The following BRD3 variants were observed in gnomAD, a reference collection of about 807,000 sequenced individuals.
The protein encoded by BRD3 is bromodomain containing 3.
BRD3 carries 17 observed loss-of-function variants against 66.8 expected under a neutral mutation model. The ratio of observed to expected loss-of-function variants is 0.25; its 90% CI spans 0.17 to 0.38. The LOEUF (loss-of-function observed/expected upper bound fraction) is 0.38. Among genes scored for constraint, BRD3 ranks in the 10% least tolerant of loss-of-function variants. BRD3 has a pLI of 1.00. For synonymous variants in BRD3, 421 were observed against 393.2 expected, an observed-to-expected ratio of 1.07 and a Z score of -0.84; for missense variants, 713 against 956.1, an observed-to-expected ratio of 0.75 and a Z score of 3.35.
At chr9:134,046,565 C>G (rs1830171879) in intron 6 of BRD3, among the ~76,000 whole-genome samples, 1 of 152,180 alleles carries the variant, frequency 6.6e-6, no homozygotes, top group Non-Finnish European at 1.5e-5. Flanking sequence ...CCCGGGGGCA[C>G]AGTGGGACCT....
chr9:134,035,837 G>C (rs1829896356), intron 10 of BRD3, among the ~76,000 whole-genome samples, 195 bp downstream of exon 10: 1 of 152,240 alleles, frequency 6.6e-6, no homozygotes, highest in African/African-American at 2.4e-5. Context: ...GCTCAGGCCT[G>C]GGTTCAGCCC....
rs539084993 is a variant in BRD3 at position 134,035,966 on chromosome 9, G to A, written c.1936+66C>T. On this transcript the variant is annotated intron_variant, in intron 10 of 11. Coordinates refer to ENST00000303407, the MANE Select transcript of BRD3 (RefSeq NM_007371.4). ...TCGCCGCACAGGGTCCGTGAGGAGT[G>A]ACAGGAGGGGCAGGCCAAGGAGGGG... 33 of 1,539,274 alleles carry A rather than the reference G, an allele frequency of 2.1e-5. No individual in the cohort carries two copies. In the East Asian group the frequency reaches 5.9e-4, roughly 27 times the overall value.
In BRD3 at chr9:134,051,878, T is replaced by TGTGTGTGTGTGTGTG. The variant is rs372701647; in HGVS notation, c.352-170_352-169insCACACACACACACAC. 2.6e-4 allele frequency among the ~76,000 whole-genome samples: 30 copies of TGTGTGTGTGTGTGTG among 116,288 alleles called. 1 individual carries two copies. Among genetic ancestry groups the TGTGTGTGTGTGTGTG allele is most frequent in the African/African-American group, 1.0e-3 (28 of 26,846 alleles). 76.3% of individuals were successfully genotyped at this position (116,288 alleles called of 152,430 possible). ...GTGTGTGTGTGTGTGTGTGTGTGTG[T>TGTGTGTGTGTGTGTG]TGTTTTTTTTGTTTTTTTTTTTTTT... On this transcript the variant is annotated intron_variant, in intron 3 of 11. Coordinates refer to ENST00000303407, the MANE Select transcript of BRD3 (RefSeq NM_007371.4).
intron 8 of BRD3, among the ~76,000 whole-genome samples, chr9:134,041,411 T>C (rs539853924): frequency 2.6e-5 from 4 of 152,260 alleles, no homozygotes; most frequent in Admixed American, 2.6e-4. Context: ...AAGTGACTGC[T>C]TGGAGCCCAG....
intron 2 of BRD3, 55 bp downstream of exon 2, chr9:134,053,210 G>A: frequency 6.3e-7 from 1 of 1,582,776 alleles, no homozygotes; most frequent in Non-Finnish European, 8.7e-7. Context: ...AGCAGGAGGG[G>A]GACAGAGGAC....
rs149753836 is a variant in BRD3, at chr9:134,045,377, A to G, written c.1131T>C (p.Ala377=). Residue 377 remains alanine (A), a synonymous_variant, in exon 7 of 12, where the codon GCT becomes GCC. Transcript: ENST00000303407. The surrounding 1 kb of genome is among the most constrained non-coding windows in gnomAD (Gnocchi z 4.8). ...GREYPDAQGF[A]ADVRLMFSNC... ...TCGAGAACATCAGCCGGACATCAGCAGCAAAGCCCTGTGCGTCTGGGTACT... is the reference window on the plus strand; with the variant it reads ...TCGAGAACATCAGCCGGACATCAGCGGCAAAGCCCTGTGCGTCTGGGTACT... 40 of 1,613,612 alleles carry G rather than the reference A, an allele frequency of 2.5e-5. No individual in the cohort carries two copies. In the African/African-American group the frequency reaches 4.4e-4, roughly 18 times the overall value.
At chr9:134,064,917 C>A (rs940118385) in intron 1 of BRD3, among the ~76,000 whole-genome samples, 2 of 152,250 alleles carry the variant, frequency 1.3e-5, no homozygotes, top group African/African-American at 2.4e-5. Context: ...CAAGGCCATT[C>A]TTGGCAAACG....
In BRD3 at chr9:134,036,629, GA is replaced by G. The variant is rs1564547646; in HGVS notation, c.1644-306del. 5 of 1,423,378 alleles carry G rather than the reference GA, an allele frequency of 3.5e-6. No homozygotes were observed. In the Admixed American group the frequency reaches 8.7e-5, roughly 25 times the overall value. The allele number at this position is 1,423,378 out of a possible 1,614,324, so 88.2% of individuals were successfully genotyped here. On this transcript the variant is annotated intron_variant, in intron 9 of 11. Transcript: ENST00000303407. ...AATCCAAAAGAAGGCAAAAAAGGGGGAACAAAGGAACAGAAAACACAGAGGA... is the reference window on the plus strand; with the variant it reads ...AATCCAAAAGAAGGCAAAAAAGGGGGACAAAGGAACAGAAAACACAGAGGA...
chr9:134,065,630 G>A (rs1192959580), intron 1 of BRD3, among the ~76,000 whole-genome samples: 1 of 152,144 alleles, frequency 6.6e-6, no homozygotes, highest in Non-Finnish European at 1.5e-5. Context: ...AGTAGGCCCC[G>A]GTTCCCCATA....
intron 1 of BRD3, among the ~76,000 whole-genome samples, chr9:134,059,033 A>G (rs1389759904): frequency 6.6e-6 from 1 of 152,218 alleles, no homozygotes; most frequent in East Asian, 1.9e-4. Flanking sequence ...CCGGAACCAG[A>G]GTTAGTATTG....
chr9:134,063,982 A>G (rs1830595017), intron 1 of BRD3, among the ~76,000 whole-genome samples: 1 of 152,190 alleles, frequency 6.6e-6, no homozygotes, highest in Admixed American at 6.5e-5. Flanking sequence ...GGGCGGGGGC[A>G]TGTTCCACGC....
chr9:134,036,350 G>A lies in BRD3; in HGVS notation c.1644-26C>T, dbSNP rs756438782. ...CTGGGGCAGGAGACAGAGCAACGTGGTGTTGAGTCTCCGTCTACCTGCCGT... is the reference window on the plus strand; with the variant it reads ...CTGGGGCAGGAGACAGAGCAACGTGATGTTGAGTCTCCGTCTACCTGCCGT... On this transcript the variant is annotated intron_variant, in intron 9 of 11. Transcript: ENST00000303407. 5 of 1,579,182 alleles carry A rather than the reference G, an allele frequency of 3.2e-6. No homozygotes were observed. In the African/African-American group the frequency reaches 4.1e-5, roughly 13 times the overall value.
chr9:134,050,385 G>A lies in BRD3; in HGVS notation c.703C>T (p.Pro235Ser). Residue 235 changes from proline (P) to serine (S), a missense_variant, in exon 5 of 12, where the codon CCT (proline) becomes TCT (serine). This residue lies in a region of BRD3 where 418 missense variants were observed against 609.3 expected (regional missense o/e 0.69). Transcript: ENST00000303407. ...PIVPVVPPTP[P>S]VVKKKGVKRK... Reference sequence around the variant, plus strand: ...CTCAGGGTGCTCACCTTGACGACAGGCGGCGTAGGAGGGACCACGGGGACG... The same window carrying A: ...CTCAGGGTGCTCACCTTGACGACAGACGGCGTAGGAGGGACCACGGGGACG... 6.2e-7 allele frequency: 1 copy of A among 1,611,180 alleles called. No homozygotes were observed. The highest frequency in any genetic ancestry group is 1.1e-5 in the South Asian group (1 of 90,976).
intron 5 of BRD3, among the ~76,000 whole-genome samples, chr9:134,049,389 C>T (rs574401741): frequency 3.9e-5 from 6 of 152,336 alleles, no homozygotes; most frequent in East Asian, 3.9e-4. Flanking sequence ...CGGCACCTGC[C>T]GTCTAGAGAG....
chr9:134,061,577 G>A (rs1267356750), intron 1 of BRD3, among the ~76,000 whole-genome samples: 1 of 152,204 alleles, frequency 6.6e-6, no homozygotes, highest in Non-Finnish European at 1.5e-5. Context: ...TCCAGCCCTG[G>A]AATTTCCATA....
At chr9:134,051,855 G>GTA (rs1459934510) in intron 3 of BRD3, 146 bp from the exon 4 acceptor site, 1 of 570,122 alleles carries the variant, frequency 1.8e-6, no homozygotes, top group Non-Finnish European at 2.7e-6. Flanking sequence ...ATATGTGTGT[G>GTA]TGTGTGTGTG....
chr9:134,064,674 A>G (rs1209555009), intron 1 of BRD3, among the ~76,000 whole-genome samples: 1 of 152,170 alleles, frequency 6.6e-6, no homozygotes, highest in African/African-American at 2.4e-5. Context: ...CAGCCTGGCC[A>G]ACATGGTGAA....
At chr9:134,041,248 C>T (rs1830040787) in intron 8 of BRD3, among the ~76,000 whole-genome samples, 1 of 152,208 alleles carries the variant, frequency 6.6e-6, no homozygotes, top group Non-Finnish European at 1.5e-5. Context: ...TCAATCTGAC[C>T]TCAAGACAGC....
At chr9:134,051,324 G>T (rs1830290136) in intron 4 of BRD3, among the ~76,000 whole-genome samples, 1 of 152,224 alleles carries the variant, frequency 6.6e-6, no homozygotes, top group Non-Finnish European at 1.5e-5. Context: ...TAGACCATGA[G>T]CTCCTCCCCA....
Sources: allele counts gnomAD v4.1 joint callset (sites outside exome capture counted in the v4.1 genomes callset), GRCh38; gene constraint gnomAD v4.1.1; regional missense constraint gnomAD v4.1.1; non-coding constraint Gnocchi (gnomAD v3.1); transcripts MANE v1.5; gene names NCBI Gene and HGNC (gene_info 2026-07-23, HGNC 2026-07-21).